ARK2C: variants seen among roughly 807,000 people sequenced by gnomAD.
ARK2C encodes the protein E3 ubiquitin-protein ligase ARK2C.
chr18:46,405,339 T>C, the ARK2C span, among the ~76,000 whole-genome samples: 1 of 152,196 alleles, frequency 6.6e-6, no homozygotes, highest in East Asian at 1.9e-4. Context: ...CCAGGGAAGC[T>C]CTGCAGGTCC....
chr18:46,408,441 G>C, the ARK2C span, among the ~76,000 whole-genome samples: 11 of 152,346 alleles, frequency 7.2e-5, no homozygotes, highest in African/African-American at 2.6e-4. Flanking sequence ...GCAGCAGAAT[G>C]TCCATAGAGG....
At chr18:46,370,049 C>T in the ARK2C span, among the ~76,000 whole-genome samples, 1 of 152,218 alleles carries the variant, frequency 6.6e-6, no homozygotes, top group Non-Finnish European at 1.5e-5. Context: ...GTGGCCCCCT[C>T]AATGTGAAGG....
chr18:46,347,061 T>C, the ARK2C span, among the ~76,000 whole-genome samples: 1 of 152,102 alleles, frequency 6.6e-6, no homozygotes, highest in Non-Finnish European at 1.5e-5. Context: ...GCGCACGGGA[T>C]GGGGAGAGGT....
the ARK2C span, among the ~76,000 whole-genome samples, chr18:46,347,847 T>A: frequency 6.6e-6 from 1 of 152,116 alleles, no homozygotes; most frequent in Non-Finnish European, 1.5e-5. Flanking sequence ...AGGGTGATAG[T>A]GAGGCTCAGA....
At chr18:46,388,979 T>C in the ARK2C span, among the ~76,000 whole-genome samples, 3 of 152,226 alleles carry the variant, frequency 2.0e-5, no homozygotes, top group African/African-American at 7.2e-5. Context: ...ATTTCTTTAA[T>C]AGCTTATTGA....
chr18:46,427,159 G>T, the ARK2C span, among the ~76,000 whole-genome samples: 2 of 152,236 alleles, frequency 1.3e-5, no homozygotes, highest in Admixed American at 1.3e-4. Context: ...GATGGAGATG[G>T]TGGAGGGAAG....
chr18:46,389,500 C>T, the ARK2C span, among the ~76,000 whole-genome samples: 1 of 152,136 alleles, frequency 6.6e-6, no homozygotes, highest in African/African-American at 2.4e-5. Context: ...GGCTCAAGGC[C>T]CACAGCTGAT....
At chr18:46,439,660 G>C in the ARK2C span, among the ~76,000 whole-genome samples, 1 of 152,066 alleles carries the variant, frequency 6.6e-6, no homozygotes, top group Non-Finnish European at 1.5e-5. Flanking sequence ...GTAAAACTTG[G>C]AGATAGTGGA....
the ARK2C span, among the ~76,000 whole-genome samples, chr18:46,388,684 G>T: frequency 6.6e-6 from 1 of 152,132 alleles, no homozygotes; most frequent in African/African-American, 2.4e-5. Context: ...GCTTGGGGCT[G>T]GGCATGGGTT....
the ARK2C span, among the ~76,000 whole-genome samples, chr18:46,338,432 T>A: frequency 6.6e-6 from 1 of 152,180 alleles, no homozygotes; most frequent in East Asian, 1.9e-4. Flanking sequence ...TAAAGCTGAT[T>A]ATAGCCTAGT....
the ARK2C span, chr18:46,447,594 G>A: frequency 6.2e-7 from 1 of 1,614,022 alleles, no homozygotes; most frequent in Non-Finnish European, 8.5e-7. Context: ...CTTGAGTCCT[G>A]CTCAGTTCCA....
the ARK2C span, chr18:46,456,123 G>GT: frequency 0.014 from 17,426 of 1,223,226 alleles, 162 homozygotes; most frequent in Middle Eastern, 0.018. Context: ...TCTCTTATAG[G>GT]TATTGGTGAC....
chr18:46,403,793 G>T, the ARK2C span, among the ~76,000 whole-genome samples: 1 of 152,106 alleles, frequency 6.6e-6, no homozygotes, highest in African/African-American at 2.4e-5. Flanking sequence ...CAGGAGAATT[G>T]CTTGAACCTG....
At chr18:46,447,110 T>A in the ARK2C span, among the ~76,000 whole-genome samples, 1 of 152,254 alleles carries the variant, frequency 6.6e-6, no homozygotes, top group African/African-American at 2.4e-5. Context: ...TGGGCCAGGA[T>A]AAGCTGTCTG....
At chr18:46,384,171 G>A in the ARK2C span, among the ~76,000 whole-genome samples, 14 of 152,298 alleles carry the variant, frequency 9.2e-5, no homozygotes, top group Middle Eastern at 3.4e-3. Flanking sequence ...TGCCCCGGCC[G>A]TGCTTCCAGC....
chr18:46,376,947 C>A, the ARK2C span, among the ~76,000 whole-genome samples: 1 of 152,094 alleles, frequency 6.6e-6, no homozygotes, highest in Non-Finnish European at 1.5e-5. Flanking sequence ...GGATTACAGG[C>A]GTAAGCCACA....
the ARK2C span, among the ~76,000 whole-genome samples, chr18:46,383,090 G>A: frequency 2.0e-5 from 3 of 152,244 alleles, no homozygotes; most frequent in East Asian, 1.9e-4. Context: ...AGCATGCTGG[G>A]CCAGGAGCAG....
the ARK2C span, among the ~76,000 whole-genome samples, chr18:46,349,049 C>T: frequency 6.6e-6 from 1 of 152,002 alleles, no homozygotes; most frequent in Non-Finnish European, 1.5e-5. Context: ...AGAAGCAACT[C>T]CCTTATACTG....
chr18:46,430,655 G>T, the ARK2C span, among the ~76,000 whole-genome samples: 1 of 151,896 alleles, frequency 6.6e-6, no homozygotes, highest in Non-Finnish European at 1.5e-5. Context: ...CCATTTCTCT[G>T]TCTTCTCATT....
Sources: allele counts gnomAD v4.1 joint callset (sites outside exome capture counted in the v4.1 genomes callset), GRCh38; gene constraint gnomAD v4.1.1; transcripts MANE v1.5; gene names NCBI Gene and HGNC (gene_info 2026-07-23, HGNC 2026-07-21).